The following ZBBX variants were observed in gnomAD, a reference collection of about 807,000 sequenced individuals.
The protein encoded by ZBBX is zinc finger B-box domain containing.
Under a neutral mutation model 108.5 loss-of-function variants are expected in ZBBX, and 101 were observed. The observed-to-expected ratio is 0.93, with a 90% CI of 0.79 to 1.10. ZBBX has a LOEUF of 1.10. ZBBX is among the 50% of genes least tolerant of loss of function. The pLI, the probability that ZBBX is intolerant of heterozygous loss-of-function variation, is 0.00. For missense variants in ZBBX, 1,009 were observed against 941.4 expected (o/e 1.07, Z -0.94); for synonymous variants, 356 against 323.4 (o/e 1.10, Z -1.08).
chr3:167,376,004 G>A (rs1746898449), intron 2 of ZBBX, among the ~76,000 whole-genome samples: 1 of 152,086 alleles, frequency 6.6e-6, no homozygotes, highest in African/African-American at 2.4e-5. Context: ...CTTCCCTTGA[G>A]GCCCTCACAA....
chr3:167,220,663 T>C, the ZBBX span, among the ~76,000 whole-genome samples: 1 of 151,926 alleles, frequency 6.6e-6, no homozygotes, highest in African/African-American at 2.4e-5. Flanking sequence ...CTCTAAGATC[T>C]GGAACATAAC....
intron 9 of ZBBX, among the ~76,000 whole-genome samples, chr3:167,337,467 C>A (rs959337492): frequency 6.6e-6 from 1 of 151,868 alleles, no homozygotes; most frequent in Non-Finnish European, 1.5e-5. Context: ...TGCAGTGAGC[C>A]GAGATTGTGC....
chr3:167,389,978 A>G (rs187917661), intron 1 of ZBBX, among the ~76,000 whole-genome samples: 4 of 152,164 alleles, frequency 2.6e-5, no homozygotes, highest in African/African-American at 7.2e-5. Context: ...ATTAAATCCC[A>G]TTAGTCAATT....
At chr3:167,274,509 A>T (rs983555461) in intron 20 of ZBBX, among the ~76,000 whole-genome samples, 1 of 152,238 alleles carries the variant, frequency 6.6e-6, no homozygotes, top group Non-Finnish European at 1.5e-5. Context: ...TTTAAAAGGG[A>T]GGAATTGTAA....
intron 9 of ZBBX, among the ~76,000 whole-genome samples, chr3:167,342,910 A>C (rs1299865636): frequency 1.3e-5 from 2 of 151,840 alleles, no homozygotes; most frequent in Non-Finnish European, 2.9e-5. Flanking sequence ...CAAATCCATC[A>C]AATTGTGTAC....
rs768383948 is a variant in ZBBX, at chr3:167,365,873, A to C, written c.273+13T>G. 6 of 1,578,348 alleles carry C rather than the reference A, an allele frequency of 3.8e-6. No individual in the cohort carries two copies. The East Asian group carries it at 6.8e-5, about 18-fold the overall frequency. On this transcript the variant is annotated intron_variant, in intron 6 of 21. Coordinates refer to ENST00000675490, the MANE Select transcript of ZBBX (RefSeq NM_001199201.2). ...TTAGCAAAATGCATAAGAATCAAAT[A>C]GTATCTTCTTACCTTAACAACATTT...
At chr3:167,322,905 T>C (rs1376796649) in intron 11 of ZBBX, among the ~76,000 whole-genome samples, 1 of 151,910 alleles carries the variant, frequency 6.6e-6, no homozygotes, top group East Asian at 1.9e-4. Context: ...ATAGTAAAGA[T>C]GGGAAAAACA....
upstream of ZBBX, among the ~76,000 whole-genome samples, chr3:167,381,498 G>A (rs1577139003): frequency 6.6e-6 from 1 of 152,158 alleles, no homozygotes; most frequent in Non-Finnish European, 1.5e-5. Context: ...AGAAACAGTG[G>A]TGCTGGTGTG....
intron 9 of ZBBX, among the ~76,000 whole-genome samples, chr3:167,338,291 CAA>C (rs1739921892): frequency 6.6e-6 from 1 of 152,128 alleles, no homozygotes; most frequent in South Asian, 2.1e-4. Flanking sequence ...ATCACTCTGA[CAA>C]TGTATCATTA....
chr3:167,395,848 C>T (rs1320536779), intron 1 of ZBBX, among the ~76,000 whole-genome samples: 2 of 151,940 alleles, frequency 1.3e-5, no homozygotes, highest in African/African-American at 4.8e-5. Context: ...ATGTAGCCTA[C>T]TTTGGTTTGA....
At chr3:167,386,686 A>C (rs1747932861) in intron 1 of ZBBX, among the ~76,000 whole-genome samples, 1 of 152,080 alleles carries the variant, frequency 6.6e-6, no homozygotes, top group African/African-American at 2.4e-5. Context: ...GCTTTAGGGA[A>C]AAGCTCATCT....
At chr3:167,206,875 C>T in the ZBBX span, among the ~76,000 whole-genome samples, 2 of 152,004 alleles carry the variant, frequency 1.3e-5, no homozygotes, top group Non-Finnish European at 2.9e-5. Flanking sequence ...ACCAAGGAGA[C>T]GCAATGGGGA....
intron 9 of ZBBX, among the ~76,000 whole-genome samples, chr3:167,335,056 C>G (rs1312949387): frequency 1.3e-5 from 2 of 152,172 alleles, no homozygotes; most frequent in African/African-American, 4.8e-5. Flanking sequence ...TCCTTGCACA[C>G]TGCACTACCC....
intron 11 of ZBBX, among the ~76,000 whole-genome samples, chr3:167,327,127 G>A (rs1443263631): frequency 1.3e-5 from 2 of 148,876 alleles, no homozygotes; most frequent in African/African-American, 4.9e-5. Flanking sequence ...TAGAATGTAG[G>A]AGCGAAATTA....
At chr3:167,308,898 T>A (rs1215880441) in intron 16 of ZBBX, among the ~76,000 whole-genome samples, 2 of 152,038 alleles carry the variant, frequency 1.3e-5, no homozygotes, top group Non-Finnish European at 2.9e-5. Context: ...CAAACCCCCA[T>A]GACACAAGTT....
chr3:167,178,512 TG>T, the ZBBX span, among the ~76,000 whole-genome samples: 1 of 152,118 alleles, frequency 6.6e-6, no homozygotes, highest in African/African-American at 2.4e-5. Context: ...TCGTGACAGT[TG>T]GGGTCCTCCT....
At chr3:167,381,076 T>G (rs1038288721), upstream of ZBBX, among the ~76,000 whole-genome samples, 2 of 152,158 alleles carry the variant, frequency 1.3e-5, no homozygotes, top group Non-Finnish European at 2.9e-5. Flanking sequence ...ACATTGCATC[T>G]GTCTCGGTAC....
rs138992565 is a variant in ZBBX at position 167,303,848 on chromosome 3, C to T, written c.1725+1795G>A. ...GGTATCTCAAAAATAAGTCATAATG[C>T]GAATTTGTTTTTATTTATATTGTTC... On this transcript the variant is annotated intron_variant, in intron 17 of 21. Transcript: ENST00000675490. 9.9e-5 allele frequency among the ~76,000 whole-genome samples: 15 copies of T among 152,068 alleles called. No individual in the cohort carries two copies. In the South Asian group the frequency reaches 1.0e-3, roughly 11 times the overall value.
At position 167,317,523 on chromosome 3, in the gene ZBBX, T is replaced by C; in HGVS notation, c.1058A>G (p.Gln353Arg). The stretch of plus-strand genomic sequence containing the variant: ...TTCATCGTTTTCATTTTGAGAACAC[T>C]GTGCATCACCAGTGGTTTCATGTGG... Reference protein sequence around the residue: ...PHPHETTGDAQCSQNENDEDS... With the variant: ...PHPHETTGDARCSQNENDEDS... The change falls in exon 13 of 22, where the codon CAG becomes CGG. Residue 353 changes from glutamine to arginine, a missense_variant. Transcript: ENST00000675490. The C allele has an allele frequency of 1.2e-6, 2 of 1,610,748 alleles. No individual in the cohort carries two copies. Among genetic ancestry groups the C allele is most frequent in the Non-Finnish European group, 1.7e-6 (2 of 1,178,342 alleles).
Sources: gnomAD v4.1 joint callset for allele counts (sites outside exome capture counted in the v4.1 genomes callset) on GRCh38, gnomAD v4.1.1 for gene constraint, MANE v1.5 for transcripts, NCBI Gene and HGNC (gene_info 2026-07-23, HGNC 2026-07-21) for gene names.